DCDC1: variants seen among roughly 807,000 people sequenced by gnomAD.
DCDC1 encodes the protein doublecortin domain-containing protein 1.
A neutral mutation model predicts 178.3 loss-of-function variants in DCDC1; 200 were observed. That is an observed-to-expected ratio of 1.12 (90% CI 1.00 to 1.26). The LOEUF (loss-of-function observed/expected upper bound fraction) is 1.26. Among genes scored for constraint, DCDC1 ranks in the 50% most tolerant of loss-of-function variants. The probability of loss-of-function intolerance (pLI) is 0.00; values close to 1 mark genes in which losing one functional copy is unlikely to be tolerated. For synonymous variants in DCDC1, 690 were observed against 604.8 expected (o/e 1.14, Z -2.07); for missense variants, 1,983 against 1,749.2 (o/e 1.13, Z -2.38).
intron 7 of DCDC1, among the ~76,000 whole-genome samples, chr11:31,283,886 G>C (rs1373746293): frequency 1.3e-5 from 2 of 152,120 alleles, no homozygotes; most frequent in South Asian, 2.1e-4. Flanking sequence ...CAGCTACCTA[G>C]AACTTTGATG....
At chr11:31,041,838 A>G (rs1399191463) in intron 20 of DCDC1, among the ~76,000 whole-genome samples, 3 of 152,208 alleles carry the variant, frequency 2.0e-5, no homozygotes, top group African/African-American at 7.2e-5. Context: ...TGGAGAAATC[A>G]TTATGGTCTA....
At chr11:30,972,539 T>C (rs1254530288) in intron 20 of DCDC1, among the ~76,000 whole-genome samples, 1 of 151,916 alleles carries the variant, frequency 6.6e-6, no homozygotes, top group African/African-American at 2.4e-5. Flanking sequence ...AACCCACTGG[T>C]AGAGCAAACA....
intron 12 of DCDC1, among the ~76,000 whole-genome samples, chr11:31,108,494 T>C (rs1249513059): frequency 6.6e-6 from 1 of 152,214 alleles, no homozygotes; most frequent in Admixed American, 6.5e-5. Flanking sequence ...AAACATGTTA[T>C]GCTGATCATT....
intron 7 of DCDC1, among the ~76,000 whole-genome samples, chr11:31,273,861 G>A (rs770667244): frequency 9.2e-5 from 14 of 152,132 alleles, no homozygotes; most frequent in Admixed American, 3.9e-4. Context: ...AAGGCAAATC[G>A]GAGCAAGTCA....
intron 16 of DCDC1, among the ~76,000 whole-genome samples, chr11:31,093,634 C>T (rs1957950348): frequency 2.0e-5 from 3 of 152,174 alleles, no homozygotes; most frequent in South Asian, 4.1e-4. Flanking sequence ...TCTTTTAAAA[C>T]TACGTCCTTG....
intron 20 of DCDC1, among the ~76,000 whole-genome samples, chr11:31,037,073 C>T (rs1376165810): frequency 6.6e-6 from 1 of 152,160 alleles, no homozygotes; most frequent in East Asian, 1.9e-4. Flanking sequence ...AACCATTCTA[C>T]CACACTGCCT....
chr11:31,307,505 C>A (rs1049588413), intron 4 of DCDC1, 134 bp downstream of exon 4: 8 of 1,257,210 alleles, frequency 6.4e-6, no homozygotes, highest in African/African-American at 1.5e-5. Context: ...AAGAAAAAAA[C>A]AAAAACAAAA....
intron 20 of DCDC1, among the ~76,000 whole-genome samples, chr11:31,005,820 C>T (rs1399124611): frequency 2.0e-5 from 3 of 151,858 alleles, no homozygotes; most frequent in African/African-American, 7.3e-5. Context: ...ATATTTCTAG[C>T]TTCTCATAGT....
At chr11:31,313,417 A>C (rs1029032749) in intron 3 of DCDC1, among the ~76,000 whole-genome samples, 8 of 152,220 alleles carry the variant, frequency 5.3e-5, no homozygotes, top group Admixed American at 2.0e-4. Context: ...CATTTTCATG[A>C]ATAGGTGCAT....
chr11:31,326,344 A>G (rs749495158), intron 3 of DCDC1, among the ~76,000 whole-genome samples: 3 of 151,408 alleles, frequency 2.0e-5, no homozygotes, highest in African/African-American at 7.2e-5. Context: ...AACAGAGCGA[A>G]TAAGTGAAAA....
chr11:30,866,815 A>G (rs1423754727), intron 38 of DCDC1, among the ~76,000 whole-genome samples: 4 of 152,078 alleles, frequency 2.6e-5, no homozygotes, highest in Admixed American at 2.0e-4. Flanking sequence ...TGACTCCCCA[A>G]TGCAACAACG....
intron 20 of DCDC1, among the ~76,000 whole-genome samples, chr11:31,061,922 A>G (rs750562521): frequency 1.2e-4 from 19 of 152,052 alleles, no homozygotes; most frequent in Non-Finnish European, 2.4e-4. Flanking sequence ...TTCTAATACT[A>G]TATTCCTTTC....
chr11:31,212,600 C>G (rs1471839920), intron 9 of DCDC1, among the ~76,000 whole-genome samples: 4 of 152,014 alleles, frequency 2.6e-5, no homozygotes, highest in Non-Finnish European at 5.9e-5. Context: ...AATGAATTAA[C>G]AGATTTTTCA....
chr11:30,901,108 A>G (rs939319844), intron 32 of DCDC1, among the ~76,000 whole-genome samples: 2 of 152,174 alleles, frequency 1.3e-5, no homozygotes, highest in Non-Finnish European at 2.9e-5. Context: ...CACAATTTCC[A>G]GCTTCATATG....
At chr11:31,343,430 G>A (rs1045249583) in intron 1 of DCDC1, among the ~76,000 whole-genome samples, 4 of 151,902 alleles carry the variant, frequency 2.6e-5, no homozygotes, top group Non-Finnish European at 5.9e-5. Flanking sequence ...CCTCAGCCTC[G>A]CAAGTAGCTG....
At chr11:31,011,894 C>T (rs1041578930) in intron 20 of DCDC1, among the ~76,000 whole-genome samples, 9 of 152,094 alleles carry the variant, frequency 5.9e-5, no homozygotes, top group African/African-American at 2.2e-4. Context: ...GGATTTGTGT[C>T]CCCGCCCAAA....
intron 36 of DCDC1, among the ~76,000 whole-genome samples, chr11:30,885,738 C>G (rs975972585): frequency 1.3e-5 from 2 of 151,952 alleles, no homozygotes; most frequent in African/African-American, 4.8e-5. Context: ...CAATATCTAC[C>G]TATGGGAGCA....
intron 11 of DCDC1, among the ~76,000 whole-genome samples, 186 bp downstream of exon 11, chr11:31,127,283 T>C (rs184238720): frequency 1.3e-5 from 2 of 152,286 alleles, no homozygotes; most frequent in East Asian, 3.9e-4. Flanking sequence ...ATTTCAAAGA[T>C]CTCTAGGTAT....
chr11:31,112,374 G>T (rs1044543457), intron 11 of DCDC1, among the ~76,000 whole-genome samples: 13 of 152,156 alleles, frequency 8.5e-5, no homozygotes, highest in Non-Finnish European at 8.8e-5. Flanking sequence ...TCTAAAGAGA[G>T]AGTTTCTATG....
Sources: allele counts gnomAD v4.1 joint callset (sites outside exome capture counted in the v4.1 genomes callset), GRCh38; gene constraint gnomAD v4.1.1; transcripts MANE v1.5; gene names NCBI Gene and HGNC (gene_info 2026-07-23, HGNC 2026-07-21).